The following NUP93 variants were observed in gnomAD, a reference collection of about 807,000 sequenced individuals.
The protein encoded by NUP93 is nucleoporin 93.
A neutral mutation model predicts 107.8 loss-of-function variants in NUP93; 55 were observed. The ratio of observed to expected loss-of-function variants is 0.51; its 90% CI spans 0.41 to 0.64. The LOEUF (loss-of-function observed/expected upper bound fraction) is 0.64, where lower values mean the gene tolerates loss of function less well. Among genes scored for constraint, NUP93 ranks in the 30% least tolerant of loss-of-function variants. The probability of loss-of-function intolerance (pLI) is 0.00; values close to 1 mark genes in which losing one functional copy is unlikely to be tolerated. For missense variants in NUP93, 937 were observed against 1,044.7 expected (o/e 0.90, Z 1.42); for synonymous variants, 390 against 397.5 (o/e 0.98, Z 0.22).
chr16:56,735,897 A>T (rs1368781852), intron 1 of NUP93, among the ~76,000 whole-genome samples: 1 of 151,676 alleles, frequency 6.6e-6, no homozygotes, highest in Non-Finnish European at 1.5e-5. Context: ...GGGCAGGGCT[A>T]GGAGGAGGAA....
Position 56,798,643 on chromosome 16 carries a change from A to G in NUP93, c.360+105A>G, listed in dbSNP as rs376463051. The G allele has an allele frequency of 6.8e-5, 60 of 879,072 alleles. No homozygotes were observed. The African/African-American group carries it at 9.2e-4, about 13-fold the overall frequency. The allele number at this position is 879,072 out of a possible 1,614,324, so 54.5% of individuals were successfully genotyped here. ...AACACTTTGGGAGGCTGATGCAGGA[A>G]GTTCGCTTGAGCCCAGGAATTCAAG... On this transcript the variant is annotated intron_variant, in intron 4 of 21. Transcript: ENST00000308159.
chr16:56,762,578 A>G (rs1461242104), intron 3 of NUP93, among the ~76,000 whole-genome samples: 1 of 152,240 alleles, frequency 6.6e-6, no homozygotes, highest in African/African-American at 2.4e-5. Flanking sequence ...TATCCCTAAT[A>G]ATTAAAAATA....
intron 3 of NUP93, among the ~76,000 whole-genome samples, chr16:56,795,092 G>C (rs188220929): frequency 6.6e-6 from 1 of 151,902 alleles, no homozygotes; most frequent in Non-Finnish European, 1.5e-5. Context: ...ACCAGGCTTT[G>C]TGAGGCAGTG....
At chr16:56,767,356 C>G (rs917379708) in intron 3 of NUP93, among the ~76,000 whole-genome samples, 1 of 152,156 alleles carries the variant, frequency 6.6e-6, no homozygotes, top group Non-Finnish European at 1.5e-5. Flanking sequence ...CAGAAAGAAC[C>G]CTTGTCTTAT....
chr16:56,742,499 C>T (rs1326506376), intron 1 of NUP93, among the ~76,000 whole-genome samples: 2 of 152,196 alleles, frequency 1.3e-5, no homozygotes, highest in Admixed American at 6.5e-5. Flanking sequence ...AGTACAGCCA[C>T]GCCTGTTGGT....
At chr16:56,820,326 T>C (rs1173259092) in intron 6 of NUP93, among the ~76,000 whole-genome samples, 3 of 152,222 alleles carry the variant, frequency 2.0e-5, no homozygotes, top group Admixed American at 1.3e-4. Context: ...GGATGATTGA[T>C]TGAGACGAAG....
Position 56,830,589 on chromosome 16 carries a change from A to T in NUP93, c.989A>T (p.Asp330Val), listed in dbSNP as rs993254811. The T allele has an allele frequency of 2.5e-6, 4 of 1,610,974 alleles. No individual in the cohort carries two copies. The highest frequency in any genetic ancestry group is 3.4e-6 in the Non-Finnish European group (4 of 1,177,434). The change falls in exon 10 of 22, where the codon GAC becomes GTC. Residue 330 changes from aspartate to valine, a missense_variant. Asp to Val is a radical substitution (Grantham distance 152). Coordinates refer to ENST00000308159, the MANE Select transcript of NUP93 (RefSeq NM_014669.5). ...ATTTACTACTGCATGCGCTGTGGAG[A>T]CCTGCTTGCCGCTTCACAGGTAGTT... ...ALIYYCMRCG[D>V]LLAASQVVNR...
At chr16:56,808,643 AATATATAAAAATACAT>A (rs1963233677) in intron 5 of NUP93, among the ~76,000 whole-genome samples, 48 of 135,834 alleles carry the variant, frequency 3.5e-4, no homozygotes, top group African/African-American at 9.6e-4. Context: ...CATTTATATA[AATATATAAAAATACAT>A]ATATTTATAA....
chr16:56,737,826 T>C (rs1372628842), intron 1 of NUP93, among the ~76,000 whole-genome samples: 1 of 152,234 alleles, frequency 6.6e-6, no homozygotes, highest in African/African-American at 2.4e-5. Context: ...ACCCAGACTT[T>C]TGTTAGAATC....
rs1430722800 is a variant in NUP93 at position 56,827,069 on chromosome 16, A to AAAAAAAAAAAAAAAAAAAT, written c.795-1908_795-1907insAAAAAAAAAAAAAAAAAAT. Among the ~76,000 whole-genome samples the AAAAAAAAAAAAAAAAAAAT allele has an allele frequency of 3.2e-3, 401 of 125,396 alleles. 22 individuals carry two copies. The highest frequency in any genetic ancestry group is 5.3e-3 in the Non-Finnish European group (312 of 58,832). 82.3% of individuals were successfully genotyped at this position (125,396 alleles called of 152,430 possible). A position where few individuals can be genotyped will look rare whatever the true frequency, so the allele number is the denominator to read the frequency against. On this transcript the variant is annotated intron_variant, in intron 8 of 21. Coordinates refer to ENST00000308159, the MANE Select transcript of NUP93 (RefSeq NM_014669.5). ...CAAAAAAAAAAAAAAAAAAAAAAAA[A>AAAAAAAAAAAAAAAAAAAT]TTTTGTTGAGTCTGTTTCCTGTTAT...
chr16:56,749,205 A>T (rs1253041614), intron 2 of NUP93, among the ~76,000 whole-genome samples: 1 of 152,148 alleles, frequency 6.6e-6, no homozygotes, highest in African/African-American at 2.4e-5. Context: ...GCAGAAAAAA[A>T]CTATGCTGCT....
In NUP93 at chr16:56,845,555, A is replaced by AT. The variant is rs1964106855; in HGVS notation, c.*949dup. The AT allele has an allele frequency of 6.6e-6, 1 of 152,144 alleles. No homozygotes were observed. The allele number at this position is 152,144 out of a possible 1,614,324, so 9.4% of individuals were successfully genotyped here. On this transcript the variant is annotated 3_prime_UTR_variant, in exon 22 of 22. Transcript: ENST00000308159. ...CCCTGAGCAGTAGTTGTCACCCATC[A>AT]TTTGCTCTGTTTCCCCCACCATCAG...
intron 3 of NUP93, among the ~76,000 whole-genome samples, chr16:56,768,948 G>A (rs1276076371): frequency 3.3e-5 from 5 of 151,784 alleles, no homozygotes; most frequent in Non-Finnish European, 5.9e-5. Context: ...CATTTATTAT[G>A]TTCAGACGTG....
In NUP93 at chr16:56,847,553, C is replaced by T. The variant is rs550764247; in HGVS notation, c.*2944C>T. ...ATGGCTCATAATAAACTCACTGAAA[C>T]ACTCAAAGGAAAGTACTGACTTGAT... On this transcript the variant is annotated 3_prime_UTR_variant, in exon 22 of 22. Transcript: ENST00000308159. 3.3e-5 allele frequency: 5 copies of T among 152,316 alleles called. No individual in the cohort carries two copies. Among genetic ancestry groups the T allele is most frequent in the Admixed American group, 2.6e-4 (4 of 15,300 alleles). 9.4% of individuals were successfully genotyped at this position (152,316 alleles called of 1,614,324 possible).
chr16:56,734,055 G>A (rs1419828529), intron 1 of NUP93, among the ~76,000 whole-genome samples: 2 of 152,192 alleles, frequency 1.3e-5, no homozygotes, highest in Non-Finnish European at 2.9e-5. Context: ...ATGGGGCTGT[G>A]GACAGACCAG....
intron 3 of NUP93, among the ~76,000 whole-genome samples, chr16:56,775,612 C>T (rs1236101899): frequency 6.6e-6 from 1 of 152,222 alleles, no homozygotes; most frequent in Non-Finnish European, 1.5e-5. Flanking sequence ...GTCAATAAAA[C>T]TGGGCCATTG....
In NUP93 at chr16:56,768,682, C is replaced by G. The variant is rs555616423; in HGVS notation, c.297+10027C>G. 9.3e-5 allele frequency among the ~76,000 whole-genome samples: 14 copies of G among 149,968 alleles called. 1 individual carries two copies. The highest frequency in any genetic ancestry group is 1.8e-4 in the Non-Finnish European group (12 of 67,642). ...GAGATCGAGACCATCCTGGCTAACA[C>G]GGTGAAACCCTGTCTCTACTAAAAA... is the stretch of plus-strand genomic sequence containing the variant. On this transcript the variant is annotated intron_variant, in intron 3 of 21. Transcript: ENST00000308159.
intron 3 of NUP93, among the ~76,000 whole-genome samples, chr16:56,780,917 T>G (rs1020121079): frequency 2.6e-5 from 4 of 152,170 alleles, no homozygotes; most frequent in Non-Finnish European, 5.9e-5. Context: ...TCTGGTGCCT[T>G]GGTCTTAGCG....
intron 4 of NUP93, among the ~76,000 whole-genome samples, chr16:56,803,453 A>AAT (rs1567395643): frequency 3.2e-4 from 49 of 151,956 alleles, no homozygotes; most frequent in African/African-American, 1.2e-3. Flanking sequence ...CAACAGAAAA[A>AAT]AATAATAATA....
Sources: allele counts gnomAD v4.1 joint callset (sites outside exome capture counted in the v4.1 genomes callset), GRCh38; gene constraint gnomAD v4.1.1; transcripts MANE v1.5; gene names NCBI Gene and HGNC (gene_info 2026-07-23, HGNC 2026-07-21).